The following FAT3 variants were observed in gnomAD, a reference collection of about 807,000 sequenced individuals.
FAT3 encodes the protein protocadherin Fat 3.
A neutral mutation model predicts 310.2 loss-of-function variants in FAT3; 95 were observed. The ratio of observed to expected loss-of-function variants is 0.31; its 90% CI spans 0.26 to 0.36. The LOEUF is 0.36. FAT3 is among the 10% of genes least tolerant of loss of function. FAT3 has a pLI of 1.00. For synonymous variants in FAT3, 2,314 were observed against 2,192.9 expected (o/e 1.06, Z -1.54); for missense variants, 5,408 against 5,715.6 (o/e 0.95, Z 1.74).
chr11:92,734,892 C>T (rs376116096), intron 4 of FAT3, among the ~76,000 whole-genome samples: 2 of 151,826 alleles, frequency 1.3e-5, no homozygotes, highest in African/African-American at 2.4e-5. Context: ...AGAGGAAGAT[C>T]GGATAAAAGG....
Position 92,800,394 on chromosome 11 carries a change from A to T in FAT3, c.7381A>T (p.Met2461Leu). 6.2e-7 allele frequency: 1 copy of T among 1,614,020 alleles called. No homozygotes were observed. Among genetic ancestry groups the T allele is most frequent in the Non-Finnish European group, 8.5e-7 (1 of 1,179,884 alleles). The part of the protein sequence containing the change: ...ITLSNHRKQR[M>L]EPLYSLNVSV... ...ATTGTCCAACCATCGGAAGCAGCGG[A>T]TGGAGCCTCTGTACAGTCTCAATGT... is the stretch of plus-strand genomic sequence containing the variant. Residue 2461 changes from methionine (M) to leucine (L), a missense_variant, in exon 10 of 28, where the codon ATG (methionine) becomes TTG (leucine). Met to Leu is a conservative substitution (Grantham distance 15, BLOSUM62 2). Around this residue, in one of 5 missense-constraint regions of FAT3, gnomAD observed 4,588 missense variants for 4,809.8 expected, o/e 0.95. Coordinates refer to ENST00000525166, the MANE Select transcript of FAT3 (RefSeq NM_001367949.2).
At chr11:92,784,691 C>T (rs184251340) in intron 7 of FAT3, among the ~76,000 whole-genome samples, 6 of 152,114 alleles carry the variant, frequency 3.9e-5, no homozygotes, top group Non-Finnish European at 8.8e-5. Context: ...TTTGTTAGTT[C>T]GGGAGCTCAC....
intron 15 of FAT3, 66 bp from the exon 16 acceptor site, chr11:92,836,500 C>T: frequency 6.4e-7 from 1 of 1,572,468 alleles, no homozygotes; most frequent in South Asian, 1.2e-5. Context: ...AGACCTGGGA[C>T]CCTAAGAATC....
rs1278178099 is a variant in FAT3 at position 92,831,854 on chromosome 11, G to A, written c.9714G>A (p.Arg3238=). Residue 3238 remains arginine, a synonymous_variant, in exon 14 of 28, where the codon AGG becomes AGA. Coordinates refer to ENST00000525166, the MANE Select transcript of FAT3 (RefSeq NM_001367949.2). ...DINDNPPVFE[R]RDYLVTVPED... is the part of the protein sequence containing the mutation. ...ATGACAACCCCCCTGTGTTTGAGAG[G>A]AGGGACTACCTGGTGACGGTGCCTG... 1 of 1,613,710 alleles carries A rather than the reference G, an allele frequency of 6.2e-7. No individual in the cohort carries two copies. Among genetic ancestry groups the A allele is most frequent in the Non-Finnish European group, 8.5e-7 (1 of 1,179,802 alleles).
At chr11:92,742,536 G>A (rs1034089682) in intron 4 of FAT3, among the ~76,000 whole-genome samples, 3 of 152,196 alleles carry the variant, frequency 2.0e-5, no homozygotes, top group Middle Eastern at 3.2e-3. Context: ...CAACCATGTC[G>A]GAGGTAGAAC....
chr11:92,355,081 G>T lies in FAT3; in HGVS notation c.2969G>T (p.Gly990Val), dbSNP rs780758673. The T allele has an allele frequency of 1.9e-6, 3 of 1,613,724 alleles. No individual in the cohort carries two copies. Among genetic ancestry groups the T allele is most frequent in the Admixed American group, 3.3e-5 (2 of 59,896 alleles). The change falls in exon 2 of 28, where the codon GGT (glycine) becomes GTT (valine). Residue 990 changes from glycine to valine, a missense_variant. Around this residue, in one of 5 missense-constraint regions of FAT3, gnomAD observed 4,588 missense variants for 4,809.8 expected, o/e 0.95. Coordinates refer to ENST00000525166, the MANE Select transcript of FAT3 (RefSeq NM_001367949.2). The stretch of plus-strand genomic sequence containing the variant: ...AGATTTGAAATAGATAAAGCAAGTG[G>T]TGCCATCCGCTTGAGCAAAGAGCTT... The part of the protein sequence containing the change: ...NGRFEIDKAS[G>V]AIRLSKELDY...
intron 1 of FAT3, among the ~76,000 whole-genome samples, chr11:92,334,227 T>G (rs1947995661): frequency 6.6e-6 from 1 of 151,744 alleles, no homozygotes; most frequent in Non-Finnish European, 1.5e-5. Context: ...AATACGAAAA[T>G]TAGCCAGGTG....
At chr11:92,783,085 T>C (rs1453244678) in intron 7 of FAT3, among the ~76,000 whole-genome samples, 1 of 151,850 alleles carries the variant, frequency 6.6e-6, no homozygotes, top group Non-Finnish European at 1.5e-5. Context: ...GCTTGCCGGG[T>C]GCAATGGCTC....
chr11:92,337,445 T>G (rs1464675282), intron 1 of FAT3, among the ~76,000 whole-genome samples: 1 of 152,216 alleles, frequency 6.6e-6, no homozygotes, highest in Admixed American at 6.5e-5. Context: ...TTGTTTTTTG[T>G]TTTGAGATGG....
intron 13 of FAT3, among the ~76,000 whole-genome samples, chr11:92,823,323 T>C (rs927090766): frequency 6.6e-6 from 1 of 152,160 alleles, no homozygotes; most frequent in African/African-American, 2.4e-5. Flanking sequence ...CACTTAATCA[T>C]CCCAGGTGTA....
chr11:92,286,373 A>T (rs1946562599), intron 1 of FAT3, among the ~76,000 whole-genome samples: 1 of 152,118 alleles, frequency 6.6e-6, no homozygotes, highest in Admixed American at 6.6e-5. Flanking sequence ...GCGTAATGGG[A>T]TGTGAATGCC....
intron 3 of FAT3, among the ~76,000 whole-genome samples, chr11:92,696,575 A>G (rs1943948586): frequency 6.6e-6 from 1 of 152,122 alleles, no homozygotes; most frequent in Non-Finnish European, 1.5e-5. Flanking sequence ...CCCACACCAT[A>G]TTCTCTTTAG....
At chr11:92,336,029 T>A in intron 1 of FAT3, 1 of 487,792 alleles carries the variant, frequency 2.1e-6, no homozygotes, top group East Asian at 5.7e-5. Flanking sequence ...ACTCAGCAAC[T>A]GGTCAGTTCT....
chr11:92,239,822 CTT>C (rs890390082), intron 1 of FAT3, among the ~76,000 whole-genome samples: 3 of 152,088 alleles, frequency 2.0e-5, no homozygotes, highest in African/African-American at 7.2e-5. Context: ...ATAAAAGAGT[CTT>C]TGAATCACAA....
intron 2 of FAT3, among the ~76,000 whole-genome samples, chr11:92,380,898 A>G (rs1281902528): frequency 6.6e-6 from 1 of 152,142 alleles, no homozygotes; most frequent in Non-Finnish European, 1.5e-5. Context: ...AAAATTCCCC[A>G]TTTTAAAGTG....
intron 3 of FAT3, among the ~76,000 whole-genome samples, chr11:92,677,416 A>G (rs1341600182): frequency 1.3e-5 from 2 of 152,246 alleles, no homozygotes; most frequent in East Asian, 1.9e-4. Flanking sequence ...AATCCAGTCC[A>G]TTGATACAAA....
Position 92,431,120 on chromosome 11 carries a change from C to T in FAT3, c.3292+75716C>T, listed in dbSNP as rs566261984. ...CACAATGGTTGAACTAGTTTACAGTCCCACCAACAGTGTAAAAGTGTTCCT... is the reference window on the plus strand; with the variant it reads ...CACAATGGTTGAACTAGTTTACAGTTCCACCAACAGTGTAAAAGTGTTCCT... On this transcript the variant is annotated intron_variant, in intron 2 of 27. Coordinates refer to ENST00000525166, the MANE Select transcript of FAT3 (RefSeq NM_001367949.2). Among the ~76,000 whole-genome samples the T allele has an allele frequency of 7.0e-3, 1,066 of 152,290 alleles. 18 individuals are homozygous for T. Among genetic ancestry groups the T allele is most frequent in the African/African-American group, 0.025 (1,022 of 41,546 alleles).
At chr11:92,347,808 A>C (rs532515407) in intron 1 of FAT3, among the ~76,000 whole-genome samples, 1 of 152,302 alleles carries the variant, frequency 6.6e-6, no homozygotes, top group African/African-American at 2.4e-5. Flanking sequence ...TATGTTAGTA[A>C]GTCGTAGAAA....
chr11:92,557,224 C>G (rs1227091718), intron 3 of FAT3, among the ~76,000 whole-genome samples: 3 of 151,942 alleles, frequency 2.0e-5, no homozygotes, highest in African/African-American at 7.3e-5. Flanking sequence ...AGTTTCCTGG[C>G]CTTACCATTA....
Sources: allele counts gnomAD v4.1 joint callset (sites outside exome capture counted in the v4.1 genomes callset), GRCh38; gene constraint gnomAD v4.1.1; regional missense constraint gnomAD v4.1.1; transcripts MANE v1.5; gene names NCBI Gene and HGNC (gene_info 2026-07-23, HGNC 2026-07-21).